The following CDC42EP3 variants were observed in gnomAD, a reference collection of about 807,000 sequenced individuals.
CDC42EP3 encodes the protein CDC42 effector protein 3.
In CDC42EP3, 4 loss-of-function variants were observed where a neutral mutation model predicts 15.5. That is an observed-to-expected ratio of 0.26 (90% CI 0.13 to 0.59). CDC42EP3 has a LOEUF of 0.59. Ranked by LOEUF, CDC42EP3 falls within the 20% of genes least tolerant of loss-of-function variation. The pLI, the probability that CDC42EP3 is intolerant of heterozygous loss-of-function variation, is 0.89. For missense variants in CDC42EP3, 309 were observed against 311.2 expected, an observed-to-expected ratio of 0.99 and a Z score of 0.05; for synonymous variants, 145 against 130.3, an observed-to-expected ratio of 1.11 and a Z score of -0.77.
At chr2:37,668,812 C>A (rs1340120536) in intron 1 of CDC42EP3, among the ~76,000 whole-genome samples, 1 of 152,166 alleles carries the variant, frequency 6.6e-6, no homozygotes, top group African/African-American at 2.4e-5. Flanking sequence ...GAGTGCTTGA[C>A]ACATAGGACG....
rs185773866 is a variant in CDC42EP3 at position 37,663,771 on chromosome 2, G to A, written c.-236+7655C>T. ...GTATTGTTCCTGGGTGTGTCTGTGAGGGTGTTGCCAAAGGAGATTAACATT... is the reference window on the plus strand; with the variant it reads ...GTATTGTTCCTGGGTGTGTCTGTGAAGGTGTTGCCAAAGGAGATTAACATT... On this transcript the variant is annotated intron_variant, in intron 1 of 1. Transcript: ENST00000295324. Among the ~76,000 whole-genome samples the A allele has an allele frequency of 2.0e-3, 308 of 152,226 alleles. 3 individuals are homozygous for A. Among genetic ancestry groups the A allele is most frequent in the Non-Finnish European group, 3.4e-3 (231 of 68,022 alleles).
intron 1 of CDC42EP3, 132 bp from the exon 2 acceptor site, chr2:37,646,954 G>A (rs548083706): frequency 6.2e-6 from 1 of 161,868 alleles, no homozygotes; most frequent in South Asian, 1.9e-4. Context: ...TTTCCCTCCA[G>A]TAAGTGGATA....
chr2:37,649,616 G>A (rs1043847448), intron 1 of CDC42EP3, among the ~76,000 whole-genome samples: 6 of 151,986 alleles, frequency 3.9e-5, no homozygotes, highest in African/African-American at 1.5e-4. Flanking sequence ...GCTGCTGAGG[G>A]TGCAGGGGAG....
Position 37,646,060 on chromosome 2 carries a change from A to G in CDC42EP3, c.528T>C (p.Gly176=), listed in dbSNP as rs774817489. ...TGCCTTGGCTGGACTGAGATGCAGA[A>G]CCGCTGGAGCCCCACGAGGTGTCTC... is the stretch of plus-strand genomic sequence containing the variant. ...HQGDTSWGSS[G]SASQSSQGRD... Residue 176 remains glycine (G), a synonymous_variant, in exon 2 of 2, where the codon GGT becomes GGC. Coordinates refer to ENST00000295324, the MANE Select transcript of CDC42EP3 (RefSeq NM_006449.5). 11 of 1,614,156 alleles carry G rather than the reference A, an allele frequency of 6.8e-6. No homozygotes were observed. The East Asian group carries it at 1.8e-4, about 26-fold the overall frequency.
In CDC42EP3 at chr2:37,659,674, A is replaced by T. The variant is rs566927424; in HGVS notation, c.-236+11752T>A. ...AACTTAAAGAATGAGGCCCTGGAGA[A>T]ACAATGAACTTGCTCTTTTCTCTTT... On this transcript the variant is annotated intron_variant, in intron 1 of 1. Coordinates refer to ENST00000295324, the MANE Select transcript of CDC42EP3 (RefSeq NM_006449.5). Among the ~76,000 whole-genome samples the T allele has an allele frequency of 3.3e-5, 5 of 152,344 alleles. 1 individual carries two copies. The South Asian group carries it at 1.0e-3, about 32-fold the overall frequency.
chr2:37,659,170 C>T (rs1665976516), intron 1 of CDC42EP3, among the ~76,000 whole-genome samples: 1 of 152,172 alleles, frequency 6.6e-6, no homozygotes, highest in Non-Finnish European at 1.5e-5. Context: ...GAACGGAGAT[C>T]TTATTCATAG....
At chr2:37,651,073 G>A (rs1665659980) in intron 1 of CDC42EP3, among the ~76,000 whole-genome samples, 1 of 152,084 alleles carries the variant, frequency 6.6e-6, no homozygotes, top group Admixed American at 6.5e-5. Context: ...ATCTAACAAA[G>A]GATGAAGAAG....
intron 1 of CDC42EP3, among the ~76,000 whole-genome samples, chr2:37,668,651 G>A (rs1038060126): frequency 6.6e-6 from 1 of 152,154 alleles, no homozygotes; most frequent in Non-Finnish European, 1.5e-5. Flanking sequence ...AACTGCACAC[G>A]CATGTTTAGG....
At position 37,643,974 on chromosome 2, in the gene CDC42EP3, T is replaced by G. The variant is rs1665356965; in HGVS notation, c.*1849A>C. ...TAAACTTTCTTAAAACAGTCTGAGA[T>G]TTTTTTTTTTTTTTTTTTTTGCAAT... On this transcript the variant is annotated 3_prime_UTR_variant, in exon 2 of 2. Transcript: ENST00000295324. The G allele has an allele frequency of 1.9e-5, 1 of 52,238 alleles. No individual in the cohort carries two copies. The highest frequency in any genetic ancestry group is 1.5e-4 in the African/African-American group (1 of 6,646). 3.2% of individuals were successfully genotyped at this position (52,238 alleles called of 1,614,324 possible). A position where few individuals can be genotyped will look rare whatever the true frequency, so the allele number is the denominator to read the frequency against.
chr2:37,671,645 G>T (rs548519720), upstream of CDC42EP3: 3 of 152,646 alleles, frequency 2.0e-5, no homozygotes, highest in South Asian at 3.6e-4. Context: ...GCGCGACTGA[G>T]CGCGGGGCGG....
At chr2:37,656,614 C>G (rs1397912642) in intron 1 of CDC42EP3, among the ~76,000 whole-genome samples, 1 of 152,160 alleles carries the variant, frequency 6.6e-6, no homozygotes, top group Admixed American at 6.5e-5. Flanking sequence ...AGGAAGCAGT[C>G]TTAGATGAAG....
chr2:37,654,678 C>T (rs549209018), intron 1 of CDC42EP3, among the ~76,000 whole-genome samples: 27 of 152,280 alleles, frequency 1.8e-4, no homozygotes, highest in African/African-American at 6.3e-4. Flanking sequence ...TATGGGAACA[C>T]GATCACTGCC....
intron 1 of CDC42EP3, among the ~76,000 whole-genome samples, chr2:37,650,626 G>T (rs1311692305): frequency 6.6e-6 from 1 of 152,228 alleles, no homozygotes; most frequent in Admixed American, 6.5e-5. Context: ...AAGGCTGCAT[G>T]GCTACCAAGC....
chr2:37,671,188 T>C (rs1666406461), intron 1 of CDC42EP3, among the ~76,000 whole-genome samples: 1 of 152,170 alleles, frequency 6.6e-6, no homozygotes, highest in South Asian at 2.1e-4. Context: ...CCCTGAAAAG[T>C]AGTGGGCACA....
chr2:37,651,888 A>AC (rs1253500329), intron 1 of CDC42EP3, among the ~76,000 whole-genome samples: 1 of 151,968 alleles, frequency 6.6e-6, no homozygotes, highest in Non-Finnish European at 1.5e-5. Context: ...TTAAGAAGAC[A>AC]CCTGGGGCCG....
intron 1 of CDC42EP3, among the ~76,000 whole-genome samples, chr2:37,657,463 G>A (rs750713507): frequency 1.3e-5 from 2 of 152,192 alleles, no homozygotes; most frequent in African/African-American, 2.4e-5. Context: ...AAGCAAAAGG[G>A]CTATACATGA....
Position 37,645,359 on chromosome 2 carries a change from G to C in CDC42EP3, c.*464C>G, listed in dbSNP as rs1665415633. 1 of 152,930 alleles carries C rather than the reference G, an allele frequency of 6.5e-6. No homozygotes were observed. 9.5% of individuals were successfully genotyped at this position (152,930 alleles called of 1,614,324 possible). A position where few individuals can be genotyped will look rare whatever the true frequency, so the allele number is the denominator to read the frequency against. On this transcript the variant is annotated 3_prime_UTR_variant, in exon 2 of 2. Transcript: ENST00000295324. The stretch of plus-strand genomic sequence containing the variant: ...AAAACAGAAAAGTTTTAACACTGGA[G>C]AATTCGCTATGGTGAGCCTAAGCAA...
intron 1 of CDC42EP3, among the ~76,000 whole-genome samples, chr2:37,665,996 T>C (rs577480281): frequency 9.8e-5 from 15 of 152,332 alleles, no homozygotes; most frequent in Non-Finnish European, 1.9e-4. Flanking sequence ...GGTATTTTTT[T>C]AATCTCTATT....
chr2:37,654,083 T>C (rs1029211700), intron 1 of CDC42EP3, among the ~76,000 whole-genome samples: 1 of 152,196 alleles, frequency 6.6e-6, no homozygotes, highest in African/African-American at 2.4e-5. Flanking sequence ...TCCTCCTGCA[T>C]GTTGGAACCA....
Sources: gnomAD v4.1 joint callset for allele counts (sites outside exome capture counted in the v4.1 genomes callset) on GRCh38, gnomAD v4.1.1 for gene constraint, MANE v1.5 for transcripts, NCBI Gene and HGNC (gene_info 2026-07-23, HGNC 2026-07-21) for gene names.